Variants in TIAM1 observed in about 807,000 individuals in gnomAD.
TIAM1 encodes the protein rho guanine nucleotide exchange factor TIAM1.
In TIAM1, 65 loss-of-function variants were observed where a neutral mutation model predicts 163.5. The ratio of observed to expected loss-of-function variants is 0.40; its 90% confidence interval spans 0.33 to 0.49. The LOEUF is 0.49. TIAM1 is among the 20% of genes least tolerant of loss of function. TIAM1 has a pLI of 0.77. For synonymous variants in TIAM1, 833 were observed against 810.1 expected (o/e 1.03, Z -0.48); for missense variants, 1,789 against 2,044.7 (o/e 0.87, Z 2.41).
chr21:31,526,033 CA>C (rs10706618), intron 1 of TIAM1, among the ~76,000 whole-genome samples: 67,519 of 107,712 alleles, frequency 0.63, 18,772 homozygotes, highest in East Asian at 0.88. Flanking sequence ...GACTCCATCT[CA>C]AAAAAAAAAA....
At chr21:31,339,125 T>C in intron 2 of TIAM1, 118 bp downstream of exon 2, 1 of 386,018 alleles carries the variant, frequency 2.6e-6, no homozygotes, top group Non-Finnish European at 4.6e-6. Flanking sequence ...AAAACAATCG[T>C]CACAAACAAT....
chr21:31,342,521 T>A (rs1203984120), intron 1 of TIAM1, among the ~76,000 whole-genome samples: 1 of 152,192 alleles, frequency 6.6e-6, no homozygotes, highest in Non-Finnish European at 1.5e-5. Flanking sequence ...ACAATGCAGT[T>A]CCCCTTTTTG....
intron 6 of TIAM1, among the ~76,000 whole-genome samples, chr21:31,241,163 T>A (rs774620014): frequency 6.6e-6 from 1 of 152,134 alleles, no homozygotes; most frequent in Non-Finnish European, 1.5e-5. Context: ...CTTTTCCTTA[T>A]AAATTACCCA....
intron 2 of TIAM1, among the ~76,000 whole-genome samples, chr21:31,402,010 C>T (rs561715594): frequency 1.3e-5 from 2 of 151,742 alleles, no homozygotes; most frequent in South Asian, 4.2e-4. Flanking sequence ...GTCAGGAGAT[C>T]GACATCATCC....
chr21:31,136,185 TA>T lies in TIAM1; in HGVS notation c.3775-145del, dbSNP rs947981105. On this transcript the variant is annotated intron_variant, in intron 22 of 27. Coordinates refer to ENST00000541036, the MANE Select transcript of TIAM1 (RefSeq NM_001353694.2). ...AAAACATTTGCTTAAATATGTGAGA[TA>T]ATGCTAAGTTAAACTGCTGGATTTA... The T allele has an allele frequency of 1.6e-4, 107 of 679,108 alleles. No individual in the cohort carries two copies. In the African/African-American group the frequency reaches 1.7e-3, roughly 11 times the overall value. The allele number at this position is 679,108 out of a possible 1,614,324, so 42.1% of individuals were successfully genotyped here. A position where few individuals can be genotyped will look rare whatever the true frequency, so the allele number is the denominator to read the frequency against.
rs766098871 is a variant in TIAM1 at position 31,210,649 on chromosome 21, G to GAA, written c.2218-436_2218-435dup. Among the ~76,000 whole-genome samples, 85 of 27,602 alleles carry GAA rather than the reference G, an allele frequency of 3.1e-3. 1 individual carries two copies. Among genetic ancestry groups the GAA allele is most frequent in the South Asian group, 7.4e-3 (5 of 676 alleles). 18.1% of individuals were successfully genotyped at this position (27,602 alleles called of 152,430 possible). On this transcript the variant is annotated intron_variant, in intron 10 of 27. Transcript: ENST00000541036. ...AGAAAGAAAGAAAGAAAGAAAGAAA[G>GAA]AAAGAAAGAAAGAAAGAAAAAGAAA...
chr21:31,434,007 A>G (rs1051171201), intron 2 of TIAM1, among the ~76,000 whole-genome samples: 2 of 152,120 alleles, frequency 1.3e-5, no homozygotes, highest in African/African-American at 4.8e-5. Context: ...CACGTTGCCC[A>G]GGCTGGTCTC....
intron 2 of TIAM1, among the ~76,000 whole-genome samples, chr21:31,364,180 G>A (rs956426769): frequency 3.3e-5 from 5 of 152,202 alleles, no homozygotes; most frequent in African/African-American, 1.2e-4. Flanking sequence ...TGCATGGTGA[G>A]CTTCATAGTA....
At chr21:31,556,280 G>A (rs1026174455) in intron 1 of TIAM1, among the ~76,000 whole-genome samples, 6 of 152,164 alleles carry the variant, frequency 3.9e-5, no homozygotes, top group Non-Finnish European at 7.3e-5. Context: ...TACTGGCCGC[G>A]TTCCACATCA....
At chr21:31,183,829 G>A (rs1160429808) in intron 14 of TIAM1, among the ~76,000 whole-genome samples, 1 of 150,576 alleles carries the variant, frequency 6.6e-6, no homozygotes, top group African/African-American at 2.4e-5. Flanking sequence ...CAAGTAGCTG[G>A]GATTACAGGC....
intron 26 of TIAM1, among the ~76,000 whole-genome samples, chr21:31,125,152 AC>A (rs1455239256): frequency 6.6e-6 from 1 of 151,900 alleles, no homozygotes; most frequent in Non-Finnish European, 1.5e-5. Context: ...TTCCCATGAC[AC>A]ATTTCAACAT....
intron 1 of TIAM1, among the ~76,000 whole-genome samples, chr21:31,529,137 T>A (rs968532111): frequency 6.6e-6 from 1 of 151,806 alleles, no homozygotes; most frequent in East Asian, 2.0e-4. Flanking sequence ...GCCAGGATGG[T>A]CTCGATCTCC....
At chr21:31,164,201 T>C (rs564291148) in intron 16 of TIAM1, among the ~76,000 whole-genome samples, 2 of 152,224 alleles carry the variant, frequency 1.3e-5, no homozygotes, top group East Asian at 1.9e-4. Flanking sequence ...CCATCCTGGC[T>C]AACACGGTGA....
chr21:31,436,971 A>C (rs1173815476), intron 2 of TIAM1, among the ~76,000 whole-genome samples: 1 of 152,144 alleles, frequency 6.6e-6, no homozygotes, highest in African/African-American at 2.4e-5. Context: ...AATAAAAATA[A>C]AAATAAAAAA....
chr21:31,267,089 C>A, intron 3 of TIAM1, 106 bp from the exon 4 acceptor site: 1 of 1,459,322 alleles, frequency 6.9e-7, no homozygotes, highest in South Asian at 1.4e-5. Context: ...CACCTTGGCT[C>A]ACAGGGGTTG....
chr21:31,160,452 A>C, intron 16 of TIAM1: 1 of 398,664 alleles, frequency 2.5e-6, no homozygotes, highest in Non-Finnish European at 4.4e-6. Flanking sequence ...CACCAGATGA[A>C]GTGTTCGATA....
intron 2 of TIAM1, among the ~76,000 whole-genome samples, chr21:31,383,917 A>C (rs962566623): frequency 9.2e-5 from 14 of 152,136 alleles, no homozygotes; most frequent in African/African-American, 2.9e-4. Context: ...AAATCATCAG[A>C]ACAATCTGGG....
chr21:31,388,045 G>A (rs908353527), intron 2 of TIAM1, among the ~76,000 whole-genome samples: 3 of 152,142 alleles, frequency 2.0e-5, no homozygotes, highest in African/African-American at 7.2e-5. Context: ...GCCTGTTCCC[G>A]CTTCACTCTC....
intron 3 of TIAM1, among the ~76,000 whole-genome samples, chr21:31,267,184 C>G (rs2072825352): frequency 6.6e-6 from 1 of 152,124 alleles, no homozygotes; most frequent in South Asian, 2.1e-4. Flanking sequence ...GTAACATCAT[C>G]TACTGAGACT....
Sources: gnomAD v4.1 joint callset for allele counts (sites outside exome capture counted in the v4.1 genomes callset) on GRCh38, gnomAD v4.1.1 for gene constraint, MANE v1.5 for transcripts, NCBI Gene and HGNC (gene_info 2026-07-23, HGNC 2026-07-21) for gene names.